The following WNK1 variants were observed in gnomAD, a reference collection of about 807,000 sequenced individuals.
WNK1 encodes WNK lysine deficient protein kinase 1.
A neutral mutation model predicts 222.8 loss-of-function variants in WNK1; 38 were observed. That is an observed-to-expected ratio of 0.17 (90% CI 0.13 to 0.22). WNK1 has a LOEUF of 0.22. WNK1 is among the 10% of genes least tolerant of loss of function. WNK1 has a pLI of 1.00. For missense variants in WNK1, 2,348 were observed against 2,918.4 expected (o/e 0.80, Z 4.50); for synonymous variants, 1,090 against 1,092.9 (o/e 1.00, Z 0.05).
Position 880,025 on chromosome 12 carries a change from G to A in WNK1, c.2826G>A (p.Leu942=). ...TTCCACTTTCCTCTGGAGATGTTCT[G>A]TACCAGGTATTGTGTTAGTTAGCAA... ...AEVPLSSGDV[L]YQGFPPRLPP... is the part of the protein sequence containing the mutation. Residue 942 remains leucine, a synonymous_variant, in exon 11 of 28, where the codon CTG becomes CTA. Transcript: ENST00000315939. 1 of 1,614,046 alleles carries A rather than the reference G, an allele frequency of 6.2e-7. No homozygotes were observed. The highest frequency in any genetic ancestry group is 1.1e-5 in the South Asian group (1 of 91,072).
At chr12:867,033 G>A (rs1349386089) in intron 8 of WNK1, among the ~76,000 whole-genome samples, 2 of 152,156 alleles carry the variant, frequency 1.3e-5, no homozygotes, top group Admixed American at 6.5e-5. Context: ...TGAGGCAGAA[G>A]AATCCCTTGA....
intron 1 of WNK1, among the ~76,000 whole-genome samples, chr12:755,747 C>T (rs951921668): frequency 1.8e-4 from 27 of 152,258 alleles, no homozygotes; most frequent in Non-Finnish European, 3.5e-4. Context: ...GAGGCCAAGG[C>T]GGGTGGATCA....
intron 4 of WNK1, among the ~76,000 whole-genome samples, chr12:831,997 T>C (rs942477126): frequency 3.3e-5 from 5 of 152,210 alleles, no homozygotes; most frequent in Non-Finnish European, 5.9e-5. Flanking sequence ...TGAATTTTGA[T>C]ATAGAAGATG....
At chr12:758,449 G>A (rs1013972937) in intron 1 of WNK1, among the ~76,000 whole-genome samples, 11 of 127,256 alleles carry the variant, frequency 8.6e-5, no homozygotes, top group Admixed American at 4.2e-4. Flanking sequence ...CTGCAGTGGC[G>A]CAATCTCGGC....
chr12:887,145 T>C, intron 19 of WNK1, 76 bp from the exon 20 acceptor site: 2 of 1,241,336 alleles, frequency 1.6e-6, no homozygotes, highest in Non-Finnish European at 2.4e-6. Context: ...GCATTCAAAT[T>C]AGTTGATTTG....
chr12:865,198 C>T lies in WNK1; in HGVS notation c.2139+2928C>T, dbSNP rs528772088. ...GCATCTCTCCCAGTGCTCTTCCACC[C>T]CACCGCCAGTACTGTCTGCACCTCT... On this transcript the variant is annotated intron_variant, in intron 8 of 27. Coordinates refer to ENST00000315939, the MANE Select transcript of WNK1 (RefSeq NM_018979.4). The T allele has an allele frequency of 2.0e-5, 31 of 1,535,990 alleles. No individual in the cohort carries two copies. Among genetic ancestry groups the T allele is most frequent in the Admixed American group, 9.8e-5 (5 of 50,978 alleles).
In WNK1 at chr12:911,242, A is replaced by C. The variant is rs964337848; in HGVS notation, c.*2450A>C. 7.5e-6 allele frequency: 3 copies of C among 398,456 alleles called. No individual in the cohort carries two copies. Among genetic ancestry groups the C allele is most frequent in the Non-Finnish European group, 1.3e-5 (3 of 226,054 alleles). 24.7% of individuals were successfully genotyped at this position (398,456 alleles called of 1,614,324 possible). On this transcript the variant is annotated 3_prime_UTR_variant, in exon 28 of 28. Coordinates refer to ENST00000315939, the MANE Select transcript of WNK1 (RefSeq NM_018979.4). ...ACATTAAAAACTTTCTGAATTATAAATGTTTTCCTTACATTATTTAACAAT... is the reference window on the plus strand; with the variant it reads ...ACATTAAAAACTTTCTGAATTATAACTGTTTTCCTTACATTATTTAACAAT...
At chr12:811,473 G>A (rs866446699) in intron 1 of WNK1, among the ~76,000 whole-genome samples, 9 of 152,214 alleles carry the variant, frequency 5.9e-5, no homozygotes, top group Middle Eastern at 3.4e-3. Context: ...ATTTGAGGGA[G>A]ATAATAAAAT....
intron 1 of WNK1, among the ~76,000 whole-genome samples, chr12:777,301 A>G (rs1231573283): frequency 6.6e-6 from 1 of 151,880 alleles, no homozygotes; most frequent in Non-Finnish European, 1.5e-5. Flanking sequence ...CTGGGACTAC[A>G]GGTGCACGCC....
chr12:796,585 A>G (rs974134429), intron 1 of WNK1, among the ~76,000 whole-genome samples: 4 of 152,294 alleles, frequency 2.6e-5, no homozygotes, highest in East Asian at 1.9e-4. Flanking sequence ...TGAAATCTCA[A>G]ATTGAAGTTG....
In WNK1 at chr12:885,884, A is replaced by G. The variant is rs1282789000; in HGVS notation, c.5080A>G (p.Thr1694Ala). The G allele has an allele frequency of 1.2e-6, 2 of 1,612,668 alleles. No individual in the cohort carries two copies. The highest frequency in any genetic ancestry group is 1.1e-5 in the South Asian group (1 of 91,024). The change falls in exon 19 of 28, where the codon ACT (threonine) becomes GCT (alanine). Residue 1694 changes from threonine to alanine, a missense_variant. This residue lies in a region of WNK1 where 1,144 missense variants were observed against 1,273.6 expected (regional missense o/e 0.90). Transcript: ENST00000315939. ...GAGCACTGTCACACCAGGCATCCCA[A>G]CTACTGCTGTTGCACCAAGCAAACT... ...IESTVTPGIP[T>A]TAVAPSKLLT...
rs758333475 is a variant in WNK1 at position 883,415 on chromosome 12, A to G, written c.3510A>G (p.Leu1170=). The change falls in exon 16 of 28, where the codon CTA becomes CTG. Residue 1170 remains leucine, a synonymous_variant. Transcript: ENST00000315939. ...TACAGGTGAACAATGACTTTATTCT[A>G]GCAATAGAGAGAGAGTCGTTTGTGG... is the stretch of plus-strand genomic sequence containing the variant. ...ATIMVNNDFI[L]AIERESFVDQ... 6.2e-7 allele frequency: 1 copy of G among 1,614,194 alleles called. No homozygotes were observed.
intron 20 of WNK1, 121 bp downstream of exon 20, chr12:887,425 T>A: frequency 1.1e-6 from 1 of 902,656 alleles, no homozygotes; most frequent in East Asian, 2.5e-5. Context: ...AACACCTTTC[T>A]TTTAAAATGT....
intron 3 of WNK1, 149 bp from the exon 4 acceptor site, chr12:829,854 A>T (rs1948658964): frequency 3.9e-6 from 3 of 774,674 alleles, no homozygotes; most frequent in African/African-American, 3.5e-5. Flanking sequence ...CTGACTGAGA[A>T]GATTTCCTTC....
chr12:777,851 A>G (rs1249847227), intron 1 of WNK1, among the ~76,000 whole-genome samples: 1 of 152,210 alleles, frequency 6.6e-6, no homozygotes, highest in Admixed American at 6.5e-5. Context: ...TACAGTATTT[A>G]TCATCTGTGT....
intron 2 of WNK1, among the ~76,000 whole-genome samples, chr12:825,877 GT>G (rs1297230472): frequency 6.6e-6 from 1 of 152,122 alleles, no homozygotes; most frequent in Non-Finnish European, 1.5e-5. Flanking sequence ...AACATTTTTA[GT>G]GCTCTTTTTT....
intron 8 of WNK1, chr12:868,812 A>G (rs769087800): frequency 6.2e-7 from 1 of 1,614,024 alleles, no homozygotes; most frequent in South Asian, 1.1e-5. Context: ...CATGCCCCAG[A>G]ATTGACCGTT....
At chr12:757,359 C>CCTCCG (rs148630280) in intron 1 of WNK1, among the ~76,000 whole-genome samples, 2 of 125,476 alleles carry the variant, frequency 1.6e-5, no homozygotes, top group Non-Finnish European at 3.2e-5. Context: ...CGGAGTCTTG[C>CCTCCG]TCTATCTCCA....
chr12:776,121 ACTC>A (rs1432837118), intron 1 of WNK1, among the ~76,000 whole-genome samples: 7 of 151,864 alleles, frequency 4.6e-5, no homozygotes, highest in African/African-American at 1.5e-4. Context: ...GCAGCTTTGA[ACTC>A]CTGGGCTCAA....
Sources: allele counts gnomAD v4.1 joint callset (sites outside exome capture counted in the v4.1 genomes callset), GRCh38; gene constraint gnomAD v4.1.1; regional missense constraint gnomAD v4.1.1; transcripts MANE v1.5; gene names NCBI Gene and HGNC (gene_info 2026-07-23, HGNC 2026-07-21).